The following MYO15B variants were observed in gnomAD, a reference collection of about 807,000 sequenced individuals.
The protein encoded by MYO15B is myosin XVB pseudogene.
MYO15B carries 207 observed loss-of-function variants against 119.3 expected under a neutral mutation model. The ratio of observed to expected loss-of-function variants is 1.73; its 90% confidence interval spans 1.55 to 1.95. The LOEUF is 1.95. MYO15B is among the 30% of genes most tolerant of loss of function. The pLI, the probability that MYO15B is intolerant of heterozygous loss-of-function variation, is 0.00. For missense variants in MYO15B, 2,264 were observed against 1,203.1 expected (o/e 1.88, Z -13.04); for synonymous variants, 966 against 498.9 (o/e 1.94, Z -12.48).
At position 75,624,926 on chromosome 17, in the gene MYO15B, C is replaced by T. The variant is rs1422335618; in HGVS notation, c.8688+10C>T. 1.0e-5 allele frequency: 7 copies of T among 701,744 alleles called. 1 individual carries two copies. In the East Asian group the frequency reaches 1.9e-4, roughly 19 times the overall value. 43.5% of individuals were successfully genotyped at this position (701,744 alleles called of 1,614,324 possible). A position where few individuals can be genotyped will look rare whatever the true frequency, so the allele number is the denominator to read the frequency against. On this transcript the variant is annotated intron_variant, in intron 59 of 63. Transcript: ENST00000645453. ...CACCCACTACAGCCAGGTCAGCCTG[C>T]CTGCCTCCGAGCTGCTGCTGCAGTT...
chr17:75,622,936 C>G (rs1358348165), intron 53 of MYO15B, among the ~76,000 whole-genome samples: 1 of 152,100 alleles, frequency 6.6e-6, no homozygotes, highest in African/African-American at 2.4e-5. Flanking sequence ...ATGGGACCAG[C>G]TGAGGACACG....
chr17:75,616,425 C>G, exon 38 of MYO15B: 2 of 628,888 alleles, frequency 3.2e-6, no homozygotes, highest in Non-Finnish European at 5.7e-6. Context: ...GCAGGAGGAG[C>G]AAGAAGTGGA....
rs983218061 is a variant in MYO15B, at chr17:75,614,620, C to T, written c.5419C>T (p.Pro1807Ser). The T allele has an allele frequency of 1.1e-5, 8 of 700,946 alleles. No homozygotes were observed. The African/African-American group carries it at 1.4e-4, about 12-fold the overall frequency. 43.4% of individuals were successfully genotyped at this position (700,946 alleles called of 1,614,324 possible). ...TCCCCTTGCCCCTGGCATTCAGGCC[C>T]CCTCACTGCCCCCAGGACCCCCTCC... The change falls in exon 31 of 64, where the codon CCC becomes TCC. Residue 1807 changes from proline (P) to serine (S), a missense_variant. Pro to Ser is a moderately conservative substitution (Grantham distance 74). Transcript: ENST00000645453.
chr17:75,592,334 G>C (rs1187813026), intron 7 of MYO15B, 33 bp downstream of exon 7: 7 of 702,148 alleles, frequency 1.0e-5, no homozygotes, highest in Non-Finnish European at 1.8e-5. Context: ...CCCCTGCCCA[G>C]TTCCCAGAGT....
rs1265145952 is a variant in MYO15B, at chr17:75,619,683, CGA to C, written c.7189_7190del (p.Ser2397TrpfsTer76). The stretch of plus-strand genomic sequence containing the variant: ...CGAGACCCACCACCTTCCTGTAGGG[CGA>C]GAGTGGCAGCGACGTGCAGCTGTTA... On this transcript the variant is annotated frameshift_variant, in exon 46 of 64. Transcript: ENST00000645453. LOFTEE classifies it high-confidence loss of function. 1.3e-5 allele frequency: 9 copies of C among 702,734 alleles called. No individual in the cohort carries two copies. Among genetic ancestry groups the C allele is most frequent in the Admixed American group, 6.0e-5 (3 of 49,996 alleles). 43.5% of individuals were successfully genotyped at this position (702,734 alleles called of 1,614,324 possible). A position where few individuals can be genotyped will look rare whatever the true frequency, so the allele number is the denominator to read the frequency against.
intron 19 of MYO15B, among the ~76,000 whole-genome samples, chr17:75,603,631 C>G (rs1028735948): frequency 1.4e-4 from 22 of 152,076 alleles, no homozygotes; most frequent in African/African-American, 5.1e-4. Flanking sequence ...CGGTCTAGTG[C>G]CCACAGCAGC....
chr17:75,612,870 C>T (rs765402974), exon 26 of MYO15B: 9 of 702,680 alleles, frequency 1.3e-5, no homozygotes, highest in East Asian at 2.7e-5. Flanking sequence ...CAACCCTCAG[C>T]GTGCCCTGGA....
chr17:75,593,006 T>G, intron 9 of MYO15B, 166 bp downstream of exon 9: 1 of 565,348 alleles, frequency 1.8e-6, no homozygotes, highest in Non-Finnish European at 3.1e-6. Flanking sequence ...ACATAGAGCT[T>G]CTCCACTCTC....
In MYO15B at chr17:75,603,319, C is replaced by A. The variant is rs1202727446; in HGVS notation, c.4016+7C>A. 1 of 702,912 alleles carries A rather than the reference C, an allele frequency of 1.4e-6. No individual in the cohort carries two copies. The highest frequency in any genetic ancestry group is 2.6e-6 in the Non-Finnish European group (1 of 384,954). 43.5% of individuals were successfully genotyped at this position (702,912 alleles called of 1,614,324 possible). On this transcript the variant is annotated splice_region_variant and intron_variant, in intron 19 of 63. Transcript: ENST00000645453. Reference sequence around the variant, plus strand: ...TTGAGGCCTTCCTGGCCAGGTGGGGCCCAGCACCTCGGGGCAGGACTGACA... The same window carrying A: ...TTGAGGCCTTCCTGGCCAGGTGGGGACCAGCACCTCGGGGCAGGACTGACA...
In MYO15B at chr17:75,616,451, T is replaced by C. The variant is rs979550191; in HGVS notation, c.6244+5T>C. 2 of 647,868 alleles carry C rather than the reference T, an allele frequency of 3.1e-6. No homozygotes were observed. The highest frequency in any genetic ancestry group is 1.7e-5 in the South Asian group (1 of 57,392). The allele number at this position is 647,868 out of a possible 1,614,324, so 40.1% of individuals were successfully genotyped here. A position where few individuals can be genotyped will look rare whatever the true frequency, so the allele number is the denominator to read the frequency against. Reference sequence around the variant, plus strand: ...AAGAAGTGGAAACAAGAGCAGGTTGTGGGGAGCTGGGCAGGGCCTGGGGCT... The same window carrying C: ...AAGAAGTGGAAACAAGAGCAGGTTGCGGGGAGCTGGGCAGGGCCTGGGGCT... On this transcript the variant is annotated splice_donor_5th_base_variant and intron_variant, in intron 38 of 63. Transcript: ENST00000645453.
At chr17:75,625,500 C>T in intron 60 of MYO15B, 27 bp from the exon 61 acceptor site, 1 of 702,912 alleles carries the variant, frequency 1.4e-6, no homozygotes, top group Non-Finnish European at 2.6e-6. Context: ...GGTCAGGGGC[C>T]AAACTGACCC....
At chr17:75,616,901 C>A in exon 40 of MYO15B, 1 of 702,982 alleles carries the variant, frequency 1.4e-6, no homozygotes, top group Non-Finnish European at 2.6e-6. Context: ...TGAGGAAAAT[C>A]GACCCCAAGG....
rs764544391 is a variant in MYO15B at position 75,621,414 on chromosome 17, A to C, written c.7935+6A>C. 2.9e-6 allele frequency: 2 copies of C among 699,932 alleles called. No homozygotes were observed. Among genetic ancestry groups the C allele is most frequent in the Non-Finnish European group, 5.2e-6 (2 of 382,592 alleles). The allele number at this position is 699,932 out of a possible 1,614,324, so 43.4% of individuals were successfully genotyped here. The stretch of plus-strand genomic sequence containing the variant: ...GCCTGGTGCAGTACACCAAGGTGGG[A>C]GAGAGGCAGGGAGGGGTCTGGCCCG... On this transcript the variant is annotated splice_donor_region_variant and intron_variant, in intron 51 of 63. Transcript: ENST00000645453.
Position 75,591,977 on chromosome 17 carries a change from G to T in MYO15B, c.2548G>T (p.Val850Leu), listed in dbSNP as rs736522. The stretch of plus-strand genomic sequence containing the variant: ...TGCTTGAACACCCCTCCCTGTACAG[G>T]TGGAGGATATGCTGCCTATACTCAG... Residue 850 changes from valine to leucine, a missense_variant and splice_region_variant, in exon 6 of 64, where the codon GTG (valine) becomes TTG (leucine). Coordinates refer to ENST00000645453, the Ensembl canonical transcript of MYO15B. The T allele has an allele frequency of 0.29, 204,696 of 702,170 alleles. 31,739 individuals are homozygous for T. Among genetic ancestry groups the T allele is most frequent in the Middle Eastern group, 0.37 (1,576 of 4,248 alleles). The allele number at this position is 702,170 out of a possible 1,614,324, so 43.5% of individuals were successfully genotyped here. A position where few individuals can be genotyped will look rare whatever the true frequency, so the allele number is the denominator to read the frequency against.
chr17:75,591,055 C>T (rs1568110629), intron 3 of MYO15B, 39 bp downstream of exon 3: 1 of 666,090 alleles, frequency 1.5e-6, no homozygotes. Flanking sequence ...GCTCACCTCC[C>T]AGGCAGCCCA....
At chr17:75,620,265 C>T (rs761329631) in exon 48 of MYO15B, 1 of 702,978 alleles carries the variant, frequency 1.4e-6, no homozygotes, top group Non-Finnish European at 2.6e-6. Flanking sequence ...TATGTCATCG[C>T]CCTGCGCAGC....
chr17:75,594,574 A>G, exon 10 of MYO15B: 1 of 660,328 alleles, frequency 1.5e-6, no homozygotes, highest in Non-Finnish European at 2.8e-6. Context: ...GGGGGCTGTC[A>G]CCAGGAGGGT....
rs968222024 is a variant in MYO15B at position 75,617,123 on chromosome 17, T to A, written c.6633T>A (p.Ala2211=). ...GCCCAGGAAAGGGCCCCCCGCCAGC[T>A]GTGGCTCCTCGACCCAAGGCCCCGC... The change falls in exon 41 of 64, where the codon GCT becomes GCA. Residue 2211 remains alanine (A), a synonymous_variant. Transcript: ENST00000645453. 1.0e-5 allele frequency: 7 copies of A among 680,388 alleles called. No homozygotes were observed. The East Asian group carries it at 1.4e-4, about 13-fold the overall frequency. The allele number at this position is 680,388 out of a possible 1,614,324, so 42.1% of individuals were successfully genotyped here. A position where few individuals can be genotyped will look rare whatever the true frequency, so the allele number is the denominator to read the frequency against.
At chr17:75,596,991 G>A (rs759251792) in intron 14 of MYO15B, 92 bp downstream of exon 14, 1 of 613,496 alleles carries the variant, frequency 1.6e-6, no homozygotes, top group Non-Finnish European at 2.9e-6. Context: ...CTCCCAGAGG[G>A]GACAAGGTTA....
Sources: allele counts gnomAD v4.1 joint callset (sites outside exome capture counted in the v4.1 genomes callset), GRCh38; gene constraint gnomAD v4.1.1; transcripts MANE v1.5; gene names NCBI Gene and HGNC (gene_info 2026-07-23, HGNC 2026-07-21).